SYN3: variants seen among roughly 807,000 people sequenced by gnomAD.
SYN3 encodes synapsin III.
A neutral mutation model predicts 65.8 loss-of-function variants in SYN3; 35 were observed. The ratio of observed to expected loss-of-function variants is 0.53; its 90% confidence interval spans 0.41 to 0.70. The LOEUF is 0.70. SYN3 is among the 30% of genes least tolerant of loss of function. The pLI is 0.00. For synonymous variants in SYN3, 270 were observed against 292.9 expected (o/e 0.92, Z 0.80); for missense variants, 680 against 749.0 (o/e 0.91, Z 1.08).
At chr22:32,917,091 T>A (rs1174412320) in intron 4 of SYN3, among the ~76,000 whole-genome samples, 1 of 152,202 alleles carries the variant, frequency 6.6e-6, no homozygotes, top group Non-Finnish European at 1.5e-5. Flanking sequence ...GCATTCACTA[T>A]ATTTCAGGCA....
intron 6 of SYN3, among the ~76,000 whole-genome samples, chr22:32,798,592 T>C (rs1010859712): frequency 6.6e-6 from 1 of 151,842 alleles, no homozygotes; most frequent in African/African-American, 2.4e-5. Context: ...ACAGGCCAGA[T>C]AGATCTTGAA....
chr22:32,701,981 T>A (rs2060816098), intron 6 of SYN3, among the ~76,000 whole-genome samples: 1 of 152,200 alleles, frequency 6.6e-6, no homozygotes, highest in Admixed American at 6.5e-5. Context: ...TGTGTGTGAT[T>A]TAAGTATTTT....
At chr22:32,744,466 G>A (rs1021514626) in intron 6 of SYN3, among the ~76,000 whole-genome samples, 4 of 152,298 alleles carry the variant, frequency 2.6e-5, no homozygotes, top group Non-Finnish European at 5.9e-5. Context: ...CTAACAGGCC[G>A]TGTAATAATA....
intron 1 of SYN3, among the ~76,000 whole-genome samples, chr22:33,052,412 CCTCCTCCTCCTCCTT>C (rs1419280727): frequency 6.6e-6 from 1 of 151,932 alleles, no homozygotes; most frequent in East Asian, 1.9e-4. Flanking sequence ...TCTTCTTTCT[CCTCCTCCTCCTCCTT>C]CTCCTCCTCC....
intron 6 of SYN3, among the ~76,000 whole-genome samples, chr22:32,751,745 G>A (rs2045133906): frequency 1.3e-5 from 2 of 152,210 alleles, no homozygotes; most frequent in Non-Finnish European, 2.9e-5. Context: ...GTTGAGGAAA[G>A]GCTTGCAGGG....
At position 32,992,214 on chromosome 22, in the gene SYN3, A is replaced by G. The variant is rs182048639; in HGVS notation, c.312-11512T>C. On this transcript the variant is annotated intron_variant, in intron 2 of 13. Coordinates refer to ENST00000358763, the MANE Select transcript of SYN3 (RefSeq NM_003490.4). ...CATCAGAGAGAAAACAAAAGACTTCAGGGCCGAGCCTCCCTTTTAAAGGCT... is the reference window on the plus strand; with the variant it reads ...CATCAGAGAGAAAACAAAAGACTTCGGGGCCGAGCCTCCCTTTTAAAGGCT... Among the ~76,000 whole-genome samples the G allele has an allele frequency of 3.6e-3, 555 of 152,364 alleles. 3 individuals carry two copies. Among genetic ancestry groups the G allele is most frequent in the African/African-American group, 0.013 (530 of 41,590 alleles).
intron 6 of SYN3, among the ~76,000 whole-genome samples, chr22:32,744,879 C>A (rs2044879189): frequency 6.6e-6 from 1 of 152,100 alleles, no homozygotes; most frequent in East Asian, 1.9e-4. Context: ...CGGCAGGGAG[C>A]AGAGAGAGGA....
intron 3 of SYN3, among the ~76,000 whole-genome samples, chr22:32,956,161 T>TC (rs1398426894): frequency 7.6e-6 from 1 of 131,644 alleles, no homozygotes; most frequent in Non-Finnish European, 1.7e-5. Context: ...CTACTAACTT[T>TC]TTTTTTTTTT....
chr22:32,714,548 A>C (rs1320736154), intron 6 of SYN3, among the ~76,000 whole-genome samples: 2 of 152,048 alleles, frequency 1.3e-5, no homozygotes, highest in Non-Finnish European at 2.9e-5. Flanking sequence ...ACTGTGGACC[A>C]GCTGAGACTT....
At chr22:32,859,192 T>C in intron 6 of SYN3, 1 of 1,614,210 alleles carries the variant, frequency 6.2e-7, no homozygotes, top group East Asian at 2.2e-5. Flanking sequence ...CAAGTCCTGC[T>C]ACTACCTGCC....
At chr22:32,864,254 A>G (rs1276535746) in intron 6 of SYN3, among the ~76,000 whole-genome samples, 1 of 152,194 alleles carries the variant, frequency 6.6e-6, no homozygotes, top group East Asian at 1.9e-4. Context: ...ACCATCAACT[A>G]TGCAAGCAGG....
Position 32,507,925 on chromosome 22 carries a change from T to C in SYN3, c.*5767A>G, listed in dbSNP as rs369035415. Among the ~76,000 whole-genome samples, 1 of 151,950 alleles carries C rather than the reference T, an allele frequency of 6.6e-6. No individual in the cohort carries two copies. Among genetic ancestry groups the C allele is most frequent in the African/African-American group, 2.4e-5 (1 of 41,304 alleles). ...TCAGCTTAATCTCTCCCACTCTAGGTTCCCACGCCGCCCCTAATCCCACTC... is the reference window on the plus strand; with the variant it reads ...TCAGCTTAATCTCTCCCACTCTAGGCTCCCACGCCGCCCCTAATCCCACTC... On this transcript the variant is annotated 3_prime_UTR_variant, in exon 14 of 14. Coordinates refer to ENST00000358763, the MANE Select transcript of SYN3 (RefSeq NM_003490.4).
At chr22:32,669,029 G>C (rs2060327677) in intron 6 of SYN3, among the ~76,000 whole-genome samples, 1 of 152,134 alleles carries the variant, frequency 6.6e-6, no homozygotes, top group Non-Finnish European at 1.5e-5. Context: ...GCCTGACTTA[G>C]GTTACCTTTT....
intron 6 of SYN3, among the ~76,000 whole-genome samples, chr22:32,713,690 G>A (rs5754229): frequency 6.6e-6 from 1 of 152,234 alleles, no homozygotes; most frequent in East Asian, 1.9e-4. Flanking sequence ...AATTAGCTGG[G>A]CATGGTGGTG....
intron 6 of SYN3, among the ~76,000 whole-genome samples, chr22:32,666,969 G>T (rs2060297623): frequency 6.6e-6 from 1 of 152,078 alleles, no homozygotes; most frequent in African/African-American, 2.4e-5. Flanking sequence ...CTGTTTCTCT[G>T]AATACCATGC....
chr22:32,707,654 G>A (rs1371385640), intron 6 of SYN3, among the ~76,000 whole-genome samples: 1 of 151,046 alleles, frequency 6.6e-6, no homozygotes, highest in Non-Finnish European at 1.5e-5. Context: ...GAGATAATAA[G>A]TGGGAGTAAC....
At chr22:32,867,826 C>T (rs1027399838) in intron 5 of SYN3, among the ~76,000 whole-genome samples, 31 of 152,154 alleles carry the variant, frequency 2.0e-4, no homozygotes, top group African/African-American at 7.2e-4. Context: ...CGTGATACAC[C>T]CGCCTCGGCC....
chr22:33,045,727 G>C (rs970617319), intron 1 of SYN3, among the ~76,000 whole-genome samples: 12 of 151,948 alleles, frequency 7.9e-5, no homozygotes, highest in Admixed American at 1.3e-4. Flanking sequence ...CTCCCAAAGT[G>C]CTGGGCCTAC....
At chr22:32,807,360 AT>A (rs1488605953) in intron 6 of SYN3, among the ~76,000 whole-genome samples, 1 of 11,226 alleles carries the variant, frequency 8.9e-5, no homozygotes, top group African/African-American at 3.1e-4. Flanking sequence ...TATATAATAT[AT>A]AATATATATT....
Sources: allele counts gnomAD v4.1 joint callset (sites outside exome capture counted in the v4.1 genomes callset), GRCh38; gene constraint gnomAD v4.1.1; transcripts MANE v1.5; gene names NCBI Gene and HGNC (gene_info 2026-07-23, HGNC 2026-07-21).